HCN1: variants seen among roughly 807,000 people sequenced by gnomAD.
The protein encoded by HCN1 is hyperpolarization activated cyclic nucleotide gated potassium channel 1.
In HCN1, 13 loss-of-function variants were observed where a neutral mutation model predicts 78.9. That is an observed-to-expected ratio of 0.16 (90% CI 0.11 to 0.26). The LOEUF (loss-of-function observed/expected upper bound fraction) is 0.26. HCN1 is among the 10% of genes least tolerant of loss of function. HCN1 has a pLI of 1.00. For missense variants in HCN1, 810 were observed against 1,154.3 expected, an observed-to-expected ratio of 0.70 and a Z score of 4.32; for synonymous variants, 552 against 455.5, an observed-to-expected ratio of 1.21 and a Z score of -2.70.
intron 6 of HCN1, among the ~76,000 whole-genome samples, chr5:45,275,386 G>A (rs968075673): frequency 1.3e-5 from 2 of 152,064 alleles, no homozygotes; most frequent in Non-Finnish European, 2.9e-5. Context: ...GTGAAGCTTT[G>A]GCTCCAATTG....
At chr5:45,694,887 G>A (rs542735674) in intron 1 of HCN1, among the ~76,000 whole-genome samples, 2 of 152,294 alleles carry the variant, frequency 1.3e-5, no homozygotes, top group African/African-American at 4.8e-5. Context: ...TCCCGAGCTG[G>A]AGGACGTGAA....
intron 1 of HCN1, among the ~76,000 whole-genome samples, chr5:45,668,215 G>A (rs1034399367): frequency 2.6e-5 from 4 of 151,876 alleles, no homozygotes; most frequent in African/African-American, 2.4e-5. Flanking sequence ...CTACTGATAT[G>A]GTTTGGCTCT....
intron 2 of HCN1, among the ~76,000 whole-genome samples, chr5:45,530,741 G>A (rs140506102): frequency 1.1e-4 from 16 of 152,120 alleles, no homozygotes; most frequent in African/African-American, 3.9e-4. Flanking sequence ...AGCACTTCCT[G>A]TGTGCTAACA....
At chr5:45,583,193 G>C (rs574222618) in intron 2 of HCN1, among the ~76,000 whole-genome samples, 33 of 152,076 alleles carry the variant, frequency 2.2e-4, no homozygotes, top group Admixed American at 5.9e-4. Flanking sequence ...ATTATTGCCT[G>C]AATTTCAGAG....
rs1221210183 is a variant in HCN1, at chr5:45,696,159, C to G, written c.-66G>C. 2 of 1,144,488 alleles carry G rather than the reference C, an allele frequency of 1.7e-6. No homozygotes were observed. The highest frequency in any genetic ancestry group is 4.9e-5 in the East Asian group (1 of 20,460). 70.9% of individuals were successfully genotyped at this position (1,144,488 alleles called of 1,614,324 possible). A position where few individuals can be genotyped will look rare whatever the true frequency, so the allele number is the denominator to read the frequency against. On this transcript the variant is annotated 5_prime_UTR_variant, in exon 1 of 8. Coordinates refer to ENST00000303230, the MANE Select transcript of HCN1 (RefSeq NM_021072.4). ...CGCCGGCCGCCCGGCGCCGGAGACA[C>G]GTAGCCGAGAGGGTAGGGGCCCGAG... is the stretch of plus-strand genomic sequence containing the variant.
At chr5:45,320,498 C>A (rs1746103193) in intron 5 of HCN1, among the ~76,000 whole-genome samples, 1 of 151,928 alleles carries the variant, frequency 6.6e-6, no homozygotes, top group Non-Finnish European at 1.5e-5. Flanking sequence ...TTTACCCTCA[C>A]AATAATCCTA....
At chr5:45,418,994 C>T (rs1282185846) in intron 3 of HCN1, among the ~76,000 whole-genome samples, 1 of 152,140 alleles carries the variant, frequency 6.6e-6, no homozygotes, top group Non-Finnish European at 1.5e-5. Flanking sequence ...TTCAATTCCA[C>T]TTGCATTTGT....
chr5:45,605,745 T>A (rs1744712918), intron 2 of HCN1, among the ~76,000 whole-genome samples: 1 of 151,962 alleles, frequency 6.6e-6, no homozygotes, highest in Non-Finnish European at 1.5e-5. Context: ...ATTTTTCTCT[T>A]AGCATAATTA....
intron 5 of HCN1, among the ~76,000 whole-genome samples, chr5:45,327,312 C>T (rs1746255410): frequency 1.3e-5 from 2 of 151,674 alleles, no homozygotes; most frequent in Admixed American, 6.6e-5. Flanking sequence ...GAGAATATCA[C>T]CGATAGTAGA....
intron 2 of HCN1, among the ~76,000 whole-genome samples, chr5:45,613,458 G>C (rs1424036519): frequency 1.3e-5 from 2 of 151,856 alleles, no homozygotes; most frequent in East Asian, 3.9e-4. Flanking sequence ...AAAAAGTCTG[G>C]AAACAACAGG....
At chr5:45,582,378 G>C (rs1744099631) in intron 2 of HCN1, among the ~76,000 whole-genome samples, 1 of 152,166 alleles carries the variant, frequency 6.6e-6, no homozygotes, top group Non-Finnish European at 1.5e-5. Context: ...TTTGTATCCT[G>C]AGACTTTGCT....
intron 4 of HCN1, among the ~76,000 whole-genome samples, chr5:45,356,567 A>G (rs1277417830): frequency 6.6e-6 from 1 of 152,000 alleles, no homozygotes; most frequent in Middle Eastern, 3.2e-3. Flanking sequence ...GGCATTGTTT[A>G]TAAACTAACT....
intron 2 of HCN1, among the ~76,000 whole-genome samples, chr5:45,580,937 T>A (rs898614837): frequency 2.0e-5 from 3 of 152,224 alleles, no homozygotes; most frequent in Non-Finnish European, 4.4e-5. Context: ...CAGTCTATCA[T>A]TGTTGGACAT....
chr5:45,359,416 A>AAAAAT (rs1554020375), intron 4 of HCN1, among the ~76,000 whole-genome samples: 1 of 142,562 alleles, frequency 7.0e-6, no homozygotes, highest in East Asian at 2.0e-4. Flanking sequence ...AAAAAAAAAA[A>AAAAAT]ATATATATAT....
intron 4 of HCN1, among the ~76,000 whole-genome samples, chr5:45,358,911 C>G (rs1160209875): frequency 6.6e-6 from 1 of 152,086 alleles, no homozygotes; most frequent in Admixed American, 6.6e-5. Context: ...CCTATTTTTT[C>G]TGAGGGCTGC....
intron 2 of HCN1, among the ~76,000 whole-genome samples, chr5:45,475,436 G>A (rs548838051): frequency 1.3e-5 from 2 of 152,104 alleles, no homozygotes; most frequent in South Asian, 4.1e-4. Flanking sequence ...TGTATTTTAA[G>A]GAGTTCCAGA....
chr5:45,281,286 G>C (rs796109305), intron 6 of HCN1, among the ~76,000 whole-genome samples: 4 of 151,788 alleles, frequency 2.6e-5, no homozygotes, highest in Admixed American at 2.6e-4. Flanking sequence ...ACTTCTGCTT[G>C]TTTAAACGTG....
At chr5:45,629,304 T>C (rs913277113) in intron 2 of HCN1, among the ~76,000 whole-genome samples, 1 of 152,128 alleles carries the variant, frequency 6.6e-6, no homozygotes, top group Non-Finnish European at 1.5e-5. Flanking sequence ...TCAGTAAGGA[T>C]ATGGAAGATT....
intron 6 of HCN1, among the ~76,000 whole-genome samples, chr5:45,295,324 C>A (rs1476894417): frequency 6.6e-6 from 1 of 151,942 alleles, no homozygotes; most frequent in African/African-American, 2.4e-5. Flanking sequence ...TAAAATATAA[C>A]CACCCACTAA....
Sources: gnomAD v4.1 joint callset for allele counts (sites outside exome capture counted in the v4.1 genomes callset) on GRCh38, gnomAD v4.1.1 for gene constraint, MANE v1.5 for transcripts, NCBI Gene and HGNC (gene_info 2026-07-23, HGNC 2026-07-21) for gene names.